The following KIF26B variants were observed in gnomAD, a reference collection of about 807,000 sequenced individuals.
KIF26B encodes the protein kinesin family member 26B.
In KIF26B, 63 loss-of-function variants were observed where a neutral mutation model predicts 151.2. The observed-to-expected ratio is 0.42, with a 90% confidence interval of 0.34 to 0.51. The LOEUF (loss-of-function observed/expected upper bound fraction) is 0.51. Among genes scored for constraint, KIF26B ranks in the 20% least tolerant of loss-of-function variants. The pLI, the probability that KIF26B is intolerant of heterozygous loss-of-function variation, is 0.07. For missense variants in KIF26B, 2,813 were observed against 2,913.6 expected (o/e 0.97, Z 0.79); for synonymous variants, 1,357 against 1,262.1 (o/e 1.08, Z -1.59).
chr1:245,499,609 C>T lies in KIF26B; in HGVS notation c.1167-41158C>T, dbSNP rs187733498. On this transcript the variant is annotated intron_variant, in intron 4 of 14. Coordinates refer to ENST00000407071, the MANE Select transcript of KIF26B (RefSeq NM_018012.4). Reference sequence around the variant, plus strand: ...ATTTGAGTAAGCCAAAAAGTTTCCACTTACATATATTCTAGACCTCCACTT... The same window carrying T: ...ATTTGAGTAAGCCAAAAAGTTTCCATTTACATATATTCTAGACCTCCACTT... Among the ~76,000 whole-genome samples, 800 of 152,334 alleles carry T rather than the reference C, an allele frequency of 5.3e-3. 8 individuals carry two copies. Among genetic ancestry groups the T allele is most frequent in the South Asian group, 0.027 (129 of 4,830 alleles).
In KIF26B at chr1:245,289,196, T is replaced by G. The variant is rs570901922; in HGVS notation, c.466-77638T>G. On this transcript the variant is annotated intron_variant, in intron 2 of 14. Coordinates refer to ENST00000407071, the MANE Select transcript of KIF26B (RefSeq NM_018012.4). The stretch of plus-strand genomic sequence containing the variant: ...ATTGATCAACTCAGACAACACTCTT[T>G]ATAAAGTATAATGAAATTAGAATTT... Among the ~76,000 whole-genome samples, 4 of 152,340 alleles carry G rather than the reference T, an allele frequency of 2.6e-5. No individual in the cohort carries two copies. The South Asian group carries it at 8.3e-4, about 32-fold the overall frequency.
intron 2 of KIF26B, 112 bp from the exon 3 acceptor site, chr1:245,366,722 T>C (rs1054889236): frequency 6.0e-6 from 6 of 997,748 alleles, no homozygotes; most frequent in Non-Finnish European, 8.9e-6. Flanking sequence ...CCAATCAAAC[T>C]ATCCAACTCT....
chr1:245,368,557 G>A (rs1673018562), intron 3 of KIF26B, among the ~76,000 whole-genome samples: 2 of 152,104 alleles, frequency 1.3e-5, no homozygotes, highest in African/African-American at 2.4e-5. Flanking sequence ...GTGGCCTTCT[G>A]CTGCGATGTG....
At chr1:245,204,388 T>C (rs1189000865) in intron 2 of KIF26B, among the ~76,000 whole-genome samples, 1 of 152,076 alleles carries the variant, frequency 6.6e-6, no homozygotes, top group African/African-American at 2.4e-5. Context: ...CTTTTTTTTT[T>C]TTTGAGATGG....
At chr1:245,423,650 T>A (rs896503231) in intron 4 of KIF26B, among the ~76,000 whole-genome samples, 1 of 152,060 alleles carries the variant, frequency 6.6e-6, no homozygotes, top group African/African-American at 2.4e-5. Flanking sequence ...AGGTGACACA[T>A]TTGTTGTTGC....
At chr1:245,380,936 A>G (rs577789666) in intron 3 of KIF26B, among the ~76,000 whole-genome samples, 160 of 144,910 alleles carry the variant, frequency 1.1e-3, no homozygotes, top group African/African-American at 4.1e-3. Flanking sequence ...ACCGAAAGAC[A>G]CTGATGGGCC....
chr1:245,399,474 T>A (rs778182204), intron 3 of KIF26B, among the ~76,000 whole-genome samples: 13 of 152,208 alleles, frequency 8.5e-5, no homozygotes, highest in Non-Finnish European at 1.8e-4. Flanking sequence ...CATTTTCAAA[T>A]TCCGCTGTTG....
At chr1:245,208,252 A>G (rs1377385768) in intron 2 of KIF26B, among the ~76,000 whole-genome samples, 5 of 152,226 alleles carry the variant, frequency 3.3e-5, no homozygotes, top group African/African-American at 1.2e-4. Flanking sequence ...TTTGAATTTT[A>G]TTAATGAGGT....
intron 2 of KIF26B, among the ~76,000 whole-genome samples, chr1:245,319,197 A>G (rs551706849): frequency 4.6e-5 from 7 of 152,352 alleles, no homozygotes; most frequent in African/African-American, 1.7e-4. Flanking sequence ...TCCAGATCCA[A>G]TTCACTTATT....
At position 245,457,112 on chromosome 1, in the gene KIF26B, C is replaced by T. The variant is rs779828632; in HGVS notation, c.1166+37367C>T. Among the ~76,000 whole-genome samples the T allele has an allele frequency of 3.8e-4, 58 of 152,288 alleles. 1 individual carries two copies. The highest frequency in any genetic ancestry group is 1.2e-3 in the African/African-American group (50 of 41,568). ...AACTCCTGACGTCAGGTGATCTGCC[C>T]GCCTCGGCCTCCCAAAGTGCTGGGA... On this transcript the variant is annotated intron_variant, in intron 4 of 14. Coordinates refer to ENST00000407071, the MANE Select transcript of KIF26B (RefSeq NM_018012.4).
At chr1:245,587,749 C>T (rs1471494668) in intron 5 of KIF26B, among the ~76,000 whole-genome samples, 4 of 152,164 alleles carry the variant, frequency 2.6e-5, no homozygotes, top group African/African-American at 9.7e-5. Flanking sequence ...TTTGCAGTCT[C>T]AGTGCCTGGT....
intron 4 of KIF26B, among the ~76,000 whole-genome samples, chr1:245,466,224 TAA>T (rs1233945269): frequency 1.3e-5 from 2 of 152,086 alleles, no homozygotes; most frequent in African/African-American, 2.4e-5. Context: ...TCCCTCCTGA[TAA>T]AAAATCCTGG....
At chr1:245,451,724 C>T (rs1028893051) in intron 4 of KIF26B, among the ~76,000 whole-genome samples, 2 of 151,102 alleles carry the variant, frequency 1.3e-5, no homozygotes, top group Non-Finnish European at 2.9e-5. Flanking sequence ...CTCAGCCTCC[C>T]GAGTAGCTGG....
intron 4 of KIF26B, among the ~76,000 whole-genome samples, chr1:245,532,090 G>GA (rs141296011): frequency 1.3e-5 from 2 of 151,854 alleles, no homozygotes; most frequent in Non-Finnish European, 2.9e-5. Flanking sequence ...CTGTCCTTAA[G>GA]AAAAAAACAA....
At chr1:245,188,760 A>C (rs77410721) in intron 2 of KIF26B, among the ~76,000 whole-genome samples, 4,519 of 152,306 alleles carry the variant, frequency 0.03, 212 homozygotes, top group African/African-American at 0.1. Context: ...ATATCTGTAC[A>C]CCCATGTTCG....
chr1:245,678,686 AT>A (rs546761160), intron 10 of KIF26B, among the ~76,000 whole-genome samples: 8 of 151,764 alleles, frequency 5.3e-5, no homozygotes, highest in Admixed American at 6.6e-5. Context: ...ACATGGTGAA[AT>A]CCCGTCTCTA....
At chr1:245,462,188 G>A (rs982858034) in intron 4 of KIF26B, among the ~76,000 whole-genome samples, 1 of 152,128 alleles carries the variant, frequency 6.6e-6, no homozygotes, top group Admixed American at 6.5e-5. Flanking sequence ...CATCTTGAAG[G>A]CAGGAGATTT....
At chr1:245,613,244 G>T (rs1437499660) in intron 9 of KIF26B, among the ~76,000 whole-genome samples, 1 of 152,164 alleles carries the variant, frequency 6.6e-6, no homozygotes, top group Non-Finnish European at 1.5e-5. Context: ...ACTGGAAATT[G>T]TAAAGCTCAT....
chr1:245,316,839 A>G (rs996058700), intron 2 of KIF26B, among the ~76,000 whole-genome samples: 22 of 140,756 alleles, frequency 1.6e-4, no homozygotes, highest in Non-Finnish European at 2.9e-4. Flanking sequence ...TAGTTCAAGG[A>G]CCCTCACAAT....
Sources: allele counts gnomAD v4.1 joint callset (sites outside exome capture counted in the v4.1 genomes callset), GRCh38; gene constraint gnomAD v4.1.1; transcripts MANE v1.5; gene names NCBI Gene and HGNC (gene_info 2026-07-23, HGNC 2026-07-21).